PARP4: variants seen among roughly 807,000 people sequenced by gnomAD.
PARP4 encodes the protein poly(ADP-ribose) polymerase family member 4, also known as protein mono-ADP-ribosyltransferase PARP4.
Under a neutral mutation model 187.7 loss-of-function variants are expected in PARP4, and 120 were observed. The ratio of observed to expected loss-of-function variants is 0.64; its 90% CI spans 0.55 to 0.74. The LOEUF is 0.74. Among genes scored for constraint, PARP4 ranks in the 30% least tolerant of loss-of-function variants. The pLI is 0.00. For synonymous variants in PARP4, 654 were observed against 740.9 expected, an observed-to-expected ratio of 0.88 and a Z score of 1.90; for missense variants, 1,836 against 2,070.5, an observed-to-expected ratio of 0.89 and a Z score of 2.20.
At chr13:24,494,229 T>C (rs1868818583) in intron 7 of PARP4, among the ~76,000 whole-genome samples, 1 of 152,232 alleles carries the variant, frequency 6.6e-6, no homozygotes, top group Non-Finnish European at 1.5e-5. Context: ...AGGGTCTTGC[T>C]GTATTGCCCA....
chr13:24,461,443 A>C (rs916930167), intron 17 of PARP4, among the ~76,000 whole-genome samples: 1 of 152,200 alleles, frequency 6.6e-6, no homozygotes, highest in African/African-American at 2.4e-5. Context: ...AATCTACAAA[A>C]TCATAACTTG....
At chr13:24,439,521 T>A (rs1052859238) in intron 30 of PARP4, among the ~76,000 whole-genome samples, 3 of 152,012 alleles carry the variant, frequency 2.0e-5, no homozygotes, top group African/African-American at 7.3e-5. Context: ...TGTAGGGGCG[T>A]ATCTCTTATT....
chr13:24,485,917 C>G (rs2137522865), intron 11 of PARP4, among the ~76,000 whole-genome samples: 1 of 152,286 alleles, frequency 6.6e-6, no homozygotes, highest in South Asian at 2.1e-4. Context: ...CCCCTGGCCT[C>G]AAGTGATCCT....
At chr13:24,435,929 A>G (rs1186117037) in intron 30 of PARP4, among the ~76,000 whole-genome samples, 1 of 56,336 alleles carries the variant, frequency 1.8e-5, no homozygotes, top group African/African-American at 8.2e-5. Context: ...AAAAAAAAAA[A>G]AAAAAAAGAA....
At chr13:24,501,557 C>T (rs370640966) in intron 3 of PARP4, 76 bp downstream of exon 3, 2 of 937,300 alleles carry the variant, frequency 2.1e-6, no homozygotes, top group East Asian at 2.4e-5. Context: ...AATTCTCTGC[C>T]TATGGTATCT....
intron 1 of PARP4, among the ~76,000 whole-genome samples, chr13:24,506,855 C>G (rs544507377): frequency 6.6e-6 from 1 of 152,358 alleles, no homozygotes; most frequent in Admixed American, 6.5e-5. Context: ...TGGGACCGGG[C>G]GCCGGCCGCG....
At position 24,452,581 on chromosome 13, in the gene PARP4, TA is replaced by T; in HGVS notation, c.2838del (p.Thr947ProfsTer39). 6.2e-7 allele frequency: 1 copy of T among 1,613,000 alleles called. No individual in the cohort carries two copies. The highest frequency in any genetic ancestry group is 8.5e-7 in the Non-Finnish European group (1 of 1,179,394). On this transcript the variant is annotated frameshift_variant, in exon 24 of 34. Coordinates refer to ENST00000381989, the MANE Select transcript of PARP4 (RefSeq NM_006437.4). LOFTEE classifies it high-confidence loss of function. ...MAAEFIMSAT[P>X]TMGNTDFWKT... Reference sequence around the variant, plus strand: ...TTCCAGAAGTCTGTGTTCCCCATGGTAGGTGTGGCAGACTGGAGGAAATGAA... The same window carrying T: ...TTCCAGAAGTCTGTGTTCCCCATGGTGGTGTGGCAGACTGGAGGAAATGAA...
chr13:24,437,524 A>G (rs1334514230), intron 30 of PARP4, among the ~76,000 whole-genome samples: 1 of 152,182 alleles, frequency 6.6e-6, no homozygotes, highest in African/African-American at 2.4e-5. Flanking sequence ...TAAATAAAAA[A>G]ATGACTAAAA....
At chr13:24,472,727 G>A (rs1337435719) in intron 15 of PARP4, among the ~76,000 whole-genome samples, 1 of 152,196 alleles carries the variant, frequency 6.6e-6, no homozygotes, top group Admixed American at 6.5e-5. Context: ...AACCTGCTGC[G>A]AGCTCCTGGC....
intron 12 of PARP4, among the ~76,000 whole-genome samples, chr13:24,480,708 C>T (rs1434291605): frequency 6.6e-6 from 1 of 152,226 alleles, no homozygotes; most frequent in African/African-American, 2.4e-5. Context: ...CAACTCTGTT[C>T]AATTCTATGA....
intron 12 of PARP4, among the ~76,000 whole-genome samples, chr13:24,480,787 G>A (rs1593634314): frequency 6.6e-6 from 1 of 152,212 alleles, no homozygotes; most frequent in South Asian, 2.1e-4. Context: ...GAGGTTTAAG[G>A]AAAGAAGCCA....
intron 9 of PARP4, among the ~76,000 whole-genome samples, 189 bp from the exon 10 acceptor site, chr13:24,491,017 T>C (rs554029656): frequency 2.6e-5 from 4 of 152,200 alleles, no homozygotes; most frequent in African/African-American, 7.2e-5. Context: ...CCATAGCTCA[T>C]TGCAGCCTCA....
At chr13:24,509,379 T>G (rs996227296) in intron 1 of PARP4, among the ~76,000 whole-genome samples, 5 of 151,856 alleles carry the variant, frequency 3.3e-5, no homozygotes, top group Admixed American at 1.3e-4. Context: ...AGGTGGTACA[T>G]GCCTATGGTC....
Position 24,452,016 on chromosome 13 carries a change from G to A in PARP4, c.3014+390C>T, listed in dbSNP as rs149610569. ...ACAGCCAGTGAGGAGGTTTACCCAG[G>A]CCCTTCGGGACAAGCGGAGATTTGG... On this transcript the variant is annotated intron_variant, in intron 24 of 33. Transcript: ENST00000381989. The A allele has an allele frequency of 2.9e-3, 460 of 157,820 alleles. 6 individuals are homozygous for A. The highest frequency in any genetic ancestry group is 0.01 in the African/African-American group (422 of 41,736). The allele number at this position is 157,820 out of a possible 1,614,324, so 9.8% of individuals were successfully genotyped here.
At chr13:24,462,032 G>A (rs1208620237) in intron 17 of PARP4, among the ~76,000 whole-genome samples, 1 of 152,168 alleles carries the variant, frequency 6.6e-6, no homozygotes, top group African/African-American at 2.4e-5. Flanking sequence ...GGCAGAATTT[G>A]GCTGCCACTA....
At chr13:24,440,419 T>TAAAAAAAA (rs71070698) in intron 30 of PARP4, among the ~76,000 whole-genome samples, 9 of 126,196 alleles carry the variant, frequency 7.1e-5, no homozygotes, top group Admixed American at 2.5e-4. Flanking sequence ...AAATTAAAAT[T>TAAAAAAAA]AAAAAAAAAA....
chr13:24,457,994 G>C (rs1871974931), intron 20 of PARP4, among the ~76,000 whole-genome samples: 1 of 152,020 alleles, frequency 6.6e-6, no homozygotes, highest in African/African-American at 2.4e-5. Context: ...AATAGGCTGG[G>C]TGTGGTAGCT....
chr13:24,503,886 A>G, intron 1 of PARP4, 109 bp from the exon 2 acceptor site: 1 of 884,928 alleles, frequency 1.1e-6, no homozygotes, highest in Non-Finnish European at 1.8e-6. Flanking sequence ...CTTAAGAAAG[A>G]TATTGCAATC....
intron 1 of PARP4, among the ~76,000 whole-genome samples, chr13:24,506,885 C>T (rs1187591764): frequency 6.6e-6 from 1 of 152,230 alleles, no homozygotes; most frequent in Non-Finnish European, 1.5e-5. Context: ...GACGCTCGTG[C>T]TGCGCAGGAG....
Sources: gnomAD v4.1 joint callset for allele counts (sites outside exome capture counted in the v4.1 genomes callset) on GRCh38, gnomAD v4.1.1 for gene constraint, MANE v1.5 for transcripts, NCBI Gene and HGNC (gene_info 2026-07-23, HGNC 2026-07-21) for gene names.